CRB1: variants seen among roughly 807,000 people sequenced by gnomAD.
CRB1 encodes the protein crumbs cell polarity complex component 1.
Under a neutral mutation model 120.0 loss-of-function variants are expected in CRB1, and 83 were observed. The ratio of observed to expected loss-of-function variants is 0.69; its 90% CI spans 0.58 to 0.83. CRB1 has a LOEUF of 0.83. Ranked by LOEUF, CRB1 falls within the 40% of genes least tolerant of loss-of-function variation. CRB1 has a pLI of 0.00. For missense variants in CRB1, 1,699 were observed against 1,687.6 expected, an observed-to-expected ratio of 1.01 and a Z score of -0.12; for synonymous variants, 625 against 612.5, an observed-to-expected ratio of 1.02 and a Z score of -0.30.
At chr1:197,242,648 G>A in the CRB1 span, among the ~76,000 whole-genome samples, 1 of 151,746 alleles carries the variant, frequency 6.6e-6, no homozygotes, top group Non-Finnish European at 1.5e-5. Flanking sequence ...CTTTTGTTGT[G>A]TCTCTGCCAT....
intron 4 of CRB1, among the ~76,000 whole-genome samples, chr1:197,351,219 G>A (rs1412917978): frequency 2.0e-5 from 3 of 150,230 alleles, no homozygotes; most frequent in Non-Finnish European, 4.4e-5. Context: ...AATTAGCCGG[G>A]TGTGGTGTTG....
In CRB1 at chr1:197,428,006, T is replaced by C. The variant is rs1664686940; in HGVS notation, c.2676+5T>C. ...GCTGGAGACAACAGCTGCAAGGTAA[T>C]GATTACTCATACAAACTAGGTATAT... On this transcript the variant is annotated splice_donor_5th_base_variant and intron_variant, in intron 7 of 11. Coordinates refer to ENST00000367400, the MANE Select transcript of CRB1 (RefSeq NM_201253.3). 1 of 1,612,682 alleles carries C rather than the reference T, an allele frequency of 6.2e-7. No individual in the cohort carries two copies. Among genetic ancestry groups the C allele is most frequent in the Non-Finnish European group, 8.5e-7 (1 of 1,179,264 alleles).
chr1:197,219,417 A>G, the CRB1 span, among the ~76,000 whole-genome samples: 1 of 152,212 alleles, frequency 6.6e-6, no homozygotes, highest in Non-Finnish European at 1.5e-5. Context: ...TAGGGCTGAT[A>G]GTAATAGTAT....
intron 5 of CRB1, among the ~76,000 whole-genome samples, chr1:197,416,391 A>G (rs567176282): frequency 2.0e-5 from 3 of 152,314 alleles, no homozygotes; most frequent in Non-Finnish European, 2.9e-5. Flanking sequence ...TATTATCGAC[A>G]TCTGCTGGGA....
chr1:197,293,192 C>T (rs1456046591), intron 1 of CRB1, among the ~76,000 whole-genome samples: 1 of 152,140 alleles, frequency 6.6e-6, no homozygotes, highest in Non-Finnish European at 1.5e-5. Flanking sequence ...TCTCCTTAAG[C>T]TGATAAGAAA....
In CRB1 at chr1:197,477,921, A is replaced by G. The variant is rs1307654947; in HGVS notation, c.*42A>G. The G allele has an allele frequency of 1.9e-6, 3 of 1,572,048 alleles. No homozygotes were observed. The highest frequency in any genetic ancestry group is 1.8e-6 in the Non-Finnish European group (2 of 1,141,960). ...CGAGATGGGGATCCACACACTGTGA[A>G]TGTGATGACTGTACTTCAGGTATCT... On this transcript the variant is annotated 3_prime_UTR_variant, in exon 12 of 12. Transcript: ENST00000367400.
rs947867411 is a variant in CRB1 at position 197,328,457 on chromosome 1, T to C, written c.106T>C (p.Ser36Pro). 3.7e-6 allele frequency: 6 copies of C among 1,614,196 alleles called. No homozygotes were observed. The highest frequency in any genetic ancestry group is 1.3e-5 in the African/African-American group (1 of 75,062). Reference protein sequence around the residue: ...FCNKNNTRCLSNSCQNNSTCK... With the variant: ...FCNKNNTRCLPNSCQNNSTCK... ...CAATAAAAACAACACCAGGTGCCTC[T>C]CAAATTCTTGCCAAAACAATTCTAC... is the stretch of plus-strand genomic sequence containing the variant. Residue 36 changes from serine (S) to proline (P), a missense_variant, in exon 2 of 12, where the codon TCA becomes CCA. Transcript: ENST00000367400.
chr1:197,449,100 C>CA, intron 11 of CRB1, among the ~76,000 whole-genome samples: 1 of 152,278 alleles, frequency 6.6e-6, no homozygotes, highest in Non-Finnish European at 1.5e-5. Context: ...AAAAGAATAG[C>CA]AACTATGTCA....
chr1:197,211,171 C>T, the CRB1 span, among the ~76,000 whole-genome samples: 3 of 151,878 alleles, frequency 2.0e-5, no homozygotes, highest in African/African-American at 7.3e-5. Context: ...AGTGTTTATC[C>T]CACTTTCTTC....
At chr1:197,236,786 A>G in the CRB1 span, among the ~76,000 whole-genome samples, 15 of 152,164 alleles carry the variant, frequency 9.9e-5, no homozygotes, top group Admixed American at 2.0e-4. Flanking sequence ...TTTTTCTTCT[A>G]TAAGCCTGTT....
At chr1:197,464,227 C>T (rs1666655389) in intron 11 of CRB1, among the ~76,000 whole-genome samples, 1 of 152,102 alleles carries the variant, frequency 6.6e-6, no homozygotes, top group Non-Finnish European at 1.5e-5. Flanking sequence ...CGTCTCCTCA[C>T]AACACTGAAA....
At chr1:197,365,199 C>T (rs572269173) in intron 5 of CRB1, among the ~76,000 whole-genome samples, 1 of 152,288 alleles carries the variant, frequency 6.6e-6, no homozygotes, top group Non-Finnish European at 1.5e-5. Flanking sequence ...AAGGTGTTTC[C>T]TTAGGTGAGA....
Position 197,350,337 on chromosome 1 carries a change from T to C in CRB1, c.988+2858T>C, listed in dbSNP as rs570543205. Among the ~76,000 whole-genome samples the C allele has an allele frequency of 9.2e-5, 14 of 152,304 alleles. No homozygotes were observed. In the South Asian group the frequency reaches 2.9e-3, roughly 32 times the overall value. Reference sequence around the variant, plus strand: ...TAAAAATACTTTACTTGTAGTATTATTATGAAAAGTAAAATTGTAAAAATA... The same window carrying C: ...TAAAAATACTTTACTTGTAGTATTACTATGAAAAGTAAAATTGTAAAAATA... On this transcript the variant is annotated intron_variant, in intron 4 of 11. Transcript: ENST00000367400.
chr1:197,275,058 G>A (rs997257089), intron 1 of CRB1, among the ~76,000 whole-genome samples: 1 of 151,732 alleles, frequency 6.6e-6, no homozygotes, highest in Non-Finnish European at 1.5e-5. Flanking sequence ...ATTCAGTCCC[G>A]GGTGTTTCTT....
At chr1:197,361,667 T>C (rs1450504278) in intron 5 of CRB1, among the ~76,000 whole-genome samples, 1 of 152,076 alleles carries the variant, frequency 6.6e-6, no homozygotes, top group Non-Finnish European at 1.5e-5. Flanking sequence ...CTACAGAATC[T>C]GTAATGATTT....
chr1:197,201,817 CG>C, the CRB1 span, among the ~76,000 whole-genome samples: 2 of 152,026 alleles, frequency 1.3e-5, no homozygotes, highest in Admixed American at 6.5e-5. Flanking sequence ...CTGACTTAAA[CG>C]GTTAAATCTA....
intron 5 of CRB1, among the ~76,000 whole-genome samples, chr1:197,407,957 CTGAA>C (rs1329516436): frequency 6.6e-6 from 1 of 152,074 alleles, no homozygotes; most frequent in Non-Finnish European, 1.5e-5. Context: ...GGAGAAAAGA[CTGAA>C]TGCATGTTCA....
At chr1:197,462,142 A>C (rs930574261) in intron 11 of CRB1, among the ~76,000 whole-genome samples, 2 of 152,164 alleles carry the variant, frequency 1.3e-5, no homozygotes, top group African/African-American at 2.4e-5. Context: ...GATTTTGTAC[A>C]TGATAGTGTA....
chr1:197,232,298 T>C, the CRB1 span, among the ~76,000 whole-genome samples: 1 of 152,204 alleles, frequency 6.6e-6, no homozygotes, highest in African/African-American at 2.4e-5. Flanking sequence ...GGCTACTGTG[T>C]GTGGTAATTT....
Sources: allele counts gnomAD v4.1 joint callset (sites outside exome capture counted in the v4.1 genomes callset), GRCh38; gene constraint gnomAD v4.1.1; transcripts MANE v1.5; gene names NCBI Gene and HGNC (gene_info 2026-07-23, HGNC 2026-07-21).